PSMD1: variants seen among roughly 807,000 people sequenced by gnomAD.
PSMD1 encodes 26S proteasome non-ATPase regulatory subunit 1.
A neutral mutation model predicts 119.0 loss-of-function variants in PSMD1; 18 were observed. The observed-to-expected ratio is 0.15, with a 90% CI of 0.10 to 0.22. PSMD1 has a LOEUF of 0.22. Ranked by LOEUF, PSMD1 falls within the 10% of genes least tolerant of loss-of-function variation. The probability of loss-of-function intolerance (pLI) is 1.00; values close to 1 mark genes in which losing one functional copy is unlikely to be tolerated. For missense variants in PSMD1, 702 were observed against 1,158.5 expected, an observed-to-expected ratio of 0.61 and a Z score of 5.72; for synonymous variants, 374 against 396.6, an observed-to-expected ratio of 0.94 and a Z score of 0.68.
intron 15 of PSMD1, among the ~76,000 whole-genome samples, chr2:231,086,035 TC>T (rs1243947775): frequency 6.6e-6 from 1 of 151,794 alleles, no homozygotes; most frequent in African/African-American, 2.4e-5. Context: ...ATAGTCTTTT[TC>T]TTTTTTTTTT....
At chr2:231,151,802 A>ATTTTTTTTTTTTTTTTTTTT (rs1559251249) in intron 18 of PSMD1, among the ~76,000 whole-genome samples, 1 of 133,126 alleles carries the variant, frequency 7.5e-6, no homozygotes. Flanking sequence ...CAAACATGAG[A>ATTTTTTTTTTTTTTTTTTTT]ATTTTTTTTT....
At chr2:231,123,294 T>C in intron 16 of PSMD1, 1 of 806,754 alleles carries the variant, frequency 1.2e-6, no homozygotes, top group Non-Finnish European at 2.1e-6. Context: ...TTGCCGTATC[T>C]TTAAATAGTC....
In PSMD1 at chr2:231,072,309, C is replaced by A; in HGVS notation, c.775C>A (p.Gln259Lys). Reference sequence around the variant, plus strand: ...TGATTTGTATGAAAGTGCTAGCCAGCAGTTTTTGTCATCTGTAATCCAGAA... The same window carrying A: ...TGATTTGTATGAAAGTGCTAGCCAGAAGTTTTTGTCATCTGTAATCCAGAA... Reference protein sequence around the residue: ...CFDLYESASQQFLSSVIQNLR... With the variant: ...CFDLYESASQKFLSSVIQNLR... Residue 259 changes from glutamine (Q) to lysine (K), a missense_variant, in exon 7 of 25, where the codon CAG (glutamine) becomes AAG (lysine). Physicochemically the swap from Gln to Lys is moderately conservative, Grantham distance 53 (BLOSUM62 1). This residue lies in a region of PSMD1 where 32 missense variants were observed against 77.1 expected (regional missense o/e 0.42). Coordinates refer to ENST00000308696, the MANE Select transcript of PSMD1 (RefSeq NM_002807.4). 5.6e-6 allele frequency: 9 copies of A among 1,614,034 alleles called. No individual in the cohort carries two copies. The highest frequency in any genetic ancestry group is 7.6e-6 in the Non-Finnish European group (9 of 1,179,914).
At chr2:231,140,777 C>CT (rs1039720259) in intron 17 of PSMD1, among the ~76,000 whole-genome samples, 2 of 152,112 alleles carry the variant, frequency 1.3e-5, no homozygotes, top group African/African-American at 4.8e-5. Flanking sequence ...ACTCAGGCAG[C>CT]TGAGGCAGGA....
chr2:231,096,572 A>C (rs1694732201), intron 16 of PSMD1, among the ~76,000 whole-genome samples: 1 of 152,234 alleles, frequency 6.6e-6, no homozygotes, highest in Non-Finnish European at 1.5e-5. Flanking sequence ...ATGGGAAACA[A>C]CTGTTACATA....
intron 4 of PSMD1, among the ~76,000 whole-genome samples, chr2:231,063,102 A>T (rs895298951): frequency 1.3e-5 from 2 of 152,216 alleles, no homozygotes; most frequent in African/African-American, 4.8e-5. Context: ...GGATTTTGAG[A>T]TGATAAAGAC....
At chr2:231,065,277 T>TTTTTTTTG (rs796689366) in intron 4 of PSMD1, among the ~76,000 whole-genome samples, 2 of 149,230 alleles carry the variant, frequency 1.3e-5, no homozygotes, top group East Asian at 3.9e-4. Flanking sequence ...TGTTTTTTTG[T>TTTTTTTTG]TTTTTTTGTT....
chr2:231,074,053 A>G (rs2125163936), intron 7 of PSMD1, among the ~76,000 whole-genome samples: 1 of 152,112 alleles, frequency 6.6e-6, no homozygotes, highest in African/African-American at 2.4e-5. Context: ...TACAGAAGTG[A>G]TAAGAGGCAG....
At chr2:231,074,685 C>T (rs779953079) in intron 7 of PSMD1, among the ~76,000 whole-genome samples, 2 of 152,014 alleles carry the variant, frequency 1.3e-5, no homozygotes, top group Non-Finnish European at 2.9e-5. Context: ...TACTTTGATG[C>T]TTTTCTGTAG....
At chr2:231,068,254 T>G (rs954033499) in intron 5 of PSMD1, among the ~76,000 whole-genome samples, 6 of 152,228 alleles carry the variant, frequency 3.9e-5, no homozygotes, top group Non-Finnish European at 8.8e-5. Context: ...ACACAGTGTT[T>G]AGCGTCGATA....
intron 16 of PSMD1, among the ~76,000 whole-genome samples, chr2:231,131,316 C>T (rs1695847995): frequency 6.6e-6 from 1 of 152,072 alleles, no homozygotes; most frequent in African/African-American, 2.4e-5. Flanking sequence ...GCGATCTATT[C>T]ATTATATGTT....
At chr2:231,071,133 T>C (rs565486764) in intron 6 of PSMD1, among the ~76,000 whole-genome samples, 47 of 152,190 alleles carry the variant, frequency 3.1e-4, no homozygotes, top group African/African-American at 9.1e-4. Context: ...TTTCGGAGTT[T>C]TGTTGTTTGT....
intron 7 of PSMD1, among the ~76,000 whole-genome samples, chr2:231,074,121 C>T (rs1043040184): frequency 6.6e-6 from 1 of 151,736 alleles, no homozygotes; most frequent in Non-Finnish European, 1.5e-5. Flanking sequence ...TATTTATTTT[C>T]GAGACAGAGT....
At chr2:231,127,606 A>T (rs2125238741) in intron 16 of PSMD1, among the ~76,000 whole-genome samples, 1 of 152,294 alleles carries the variant, frequency 6.6e-6, no homozygotes, top group South Asian at 2.1e-4. Flanking sequence ...CGCCTGCCTC[A>T]GCCTCCCAAA....
chr2:231,164,194 A>T (rs1015310806), intron 21 of PSMD1, among the ~76,000 whole-genome samples: 3 of 152,102 alleles, frequency 2.0e-5, no homozygotes, highest in African/African-American at 7.2e-5. Context: ...GTGAGCCTGG[A>T]ATTGAAAGTC....
intron 9 of PSMD1, 104 bp from the exon 10 acceptor site, chr2:231,078,555 G>T: frequency 1.5e-6 from 1 of 647,486 alleles, no homozygotes; most frequent in South Asian, 3.2e-5. Flanking sequence ...AGTTCAGTTT[G>T]TTCATGCTTT....
intron 16 of PSMD1, chr2:231,113,719 C>T: frequency 6.2e-7 from 1 of 1,610,918 alleles, no homozygotes. Context: ...CTCTGGCATT[C>T]TCTACATACC....
intron 15 of PSMD1, among the ~76,000 whole-genome samples, chr2:231,086,794 T>C (rs1449433935): frequency 2.0e-5 from 3 of 152,056 alleles, no homozygotes; most frequent in Non-Finnish European, 4.4e-5. Context: ...AAAATACATG[T>C]GGCCAGGTGC....
chr2:231,062,888 T>C (rs182333336), intron 4 of PSMD1, among the ~76,000 whole-genome samples: 11 of 152,308 alleles, frequency 7.2e-5, no homozygotes, highest in African/African-American at 2.6e-4. Flanking sequence ...ACCAGTCCAG[T>C]GAGCCTACTG....
Sources: gnomAD v4.1 joint callset for allele counts (sites outside exome capture counted in the v4.1 genomes callset) on GRCh38, gnomAD v4.1.1 for gene constraint, gnomAD v4.1.1 regional missense constraint, MANE v1.5 for transcripts, NCBI Gene and HGNC (gene_info 2026-07-23, HGNC 2026-07-21) for gene names.